ACYP2: variants seen among roughly 807,000 people sequenced by gnomAD.
The protein encoded by ACYP2 is acylphosphatase 2.
ACYP2 carries 12 observed loss-of-function variants against 11.2 expected under a neutral mutation model. The ratio of observed to expected loss-of-function variants is 1.08; its 90% CI spans 0.69 to 1.74. ACYP2 has a LOEUF of 1.74. Ranked by LOEUF, ACYP2 falls within the 40% of genes most tolerant of loss-of-function variation. The pLI, the probability that ACYP2 is intolerant of heterozygous loss-of-function variation, is 0.00. For missense variants in ACYP2, 134 were observed against 101.9 expected (o/e 1.31, Z -1.35); for synonymous variants, 43 against 32.2 (o/e 1.33, Z -1.13).
chr2:54,166,691 T>A (rs1215330517), intron 6 of ACYP2, among the ~76,000 whole-genome samples: 1 of 152,208 alleles, frequency 6.6e-6, no homozygotes, highest in African/African-American at 2.4e-5. Flanking sequence ...ATGGTTAGGC[T>A]ACCTTGCTAC....
At chr2:54,162,651 C>T (rs966442677) in intron 6 of ACYP2, among the ~76,000 whole-genome samples, 6 of 152,002 alleles carry the variant, frequency 3.9e-5, no homozygotes, top group East Asian at 1.9e-4. Context: ...CTGTACTCAC[C>T]GGAACCTACA....
At chr2:54,098,460 T>A (rs1404352646) in intron 4 of ACYP2, among the ~76,000 whole-genome samples, 1 of 152,128 alleles carries the variant, frequency 6.6e-6, no homozygotes, top group Admixed American at 6.5e-5. Context: ...AGGGCAGTTG[T>A]CCCATGGAAT....
chr2:54,110,146 A>C (rs1279487181), intron 4 of ACYP2, among the ~76,000 whole-genome samples: 1 of 152,150 alleles, frequency 6.6e-6, no homozygotes, highest in East Asian at 1.9e-4. Flanking sequence ...AAGCATTTTA[A>C]ACACACACAA....
chr2:54,036,374 G>A (rs1279842587), intron 2 of ACYP2, among the ~76,000 whole-genome samples: 1 of 152,202 alleles, frequency 6.6e-6, no homozygotes, highest in Non-Finnish European at 1.5e-5. Flanking sequence ...GATTACAGGC[G>A]TGAGCCACCG....
intron 4 of ACYP2, among the ~76,000 whole-genome samples, chr2:54,082,071 G>A (rs553941448): frequency 6.6e-6 from 1 of 152,278 alleles, no homozygotes; most frequent in African/African-American, 2.4e-5. Context: ...GCCCCAGCCT[G>A]GAGCTGCTCT....
intron 6 of ACYP2, among the ~76,000 whole-genome samples, chr2:54,178,463 C>G (rs1309813286): frequency 2.0e-5 from 3 of 152,206 alleles, no homozygotes; most frequent in African/African-American, 7.2e-5. Context: ...TGGCTATACT[C>G]TGTAGCTGCC....
At chr2:54,249,298 T>C (rs74358552) in intron 6 of ACYP2, among the ~76,000 whole-genome samples, 342 of 152,142 alleles carry the variant, frequency 2.2e-3, no homozygotes, top group African/African-American at 8.0e-3. Context: ...ATTGTGCAAA[T>C]TGACTTGTCA....
rs1263844844 is a variant in ACYP2, at chr2:54,255,369, C to T, written c.405-49319C>T. On this transcript the variant is annotated intron_variant, in intron 6 of 6. Transcript: ENST00000607452. ...CTTGGCCTCTAATCATGGCAGACAG[C>T]TGTGGGTGGTGGCGGAAAGCAGTGA... 2.5e-6 allele frequency: 4 copies of T among 1,614,134 alleles called. No homozygotes were observed. The Admixed American group carries it at 5.0e-5, about 20-fold the overall frequency.
At chr2:54,256,634 C>T (rs1215618254) in intron 6 of ACYP2, among the ~76,000 whole-genome samples, 1 of 152,120 alleles carries the variant, frequency 6.6e-6, no homozygotes. Flanking sequence ...AATATTTCCT[C>T]CCACTCTGTG....
rs1679708490 is a variant in ACYP2 at position 54,115,607 on chromosome 2, G to C, written c.278-19846G>C. 6.4e-7 allele frequency: 1 copy of C among 1,553,664 alleles called. No individual in the cohort carries two copies. The highest frequency in any genetic ancestry group is 1.4e-5 in the African/African-American group (1 of 73,042). On this transcript the variant is annotated intron_variant, in intron 4 of 6. Coordinates refer to ENST00000607452, the MANE Select transcript of ACYP2 (RefSeq NM_001320586.2). ...CGGTGACAGGCGCGGGGTGCGCCAAGCAGTCCCATGTGTCCCCTCCCTCTC... is the reference window on the plus strand; with the variant it reads ...CGGTGACAGGCGCGGGGTGCGCCAACCAGTCCCATGTGTCCCCTCCCTCTC...
At position 54,108,259 on chromosome 2, in the gene ACYP2, A is replaced by T. The variant is rs527662073; in HGVS notation, c.278-27194A>T. On this transcript the variant is annotated intron_variant, in intron 4 of 6. Transcript: ENST00000607452. ...AGGAATCTTAATTGCAAGAATGTCCAGGGTTTGTAGCTTTAAACTTCCCAG... is the reference window on the plus strand; with the variant it reads ...AGGAATCTTAATTGCAAGAATGTCCTGGGTTTGTAGCTTTAAACTTCCCAG... Among the ~76,000 whole-genome samples the T allele has an allele frequency of 2.0e-5, 3 of 152,348 alleles. No individual in the cohort carries two copies. In the East Asian group the frequency reaches 5.8e-4, roughly 29 times the overall value.
intron 6 of ACYP2, among the ~76,000 whole-genome samples, chr2:54,284,250 G>A (rs72910625): frequency 0.11 from 16,980 of 152,218 alleles, 1,279 homozygotes; most frequent in African/African-American, 0.21. Flanking sequence ...ATTCAGGTCA[G>A]AATACTGGGG....
At chr2:54,108,218 G>A (rs1045896921) in intron 4 of ACYP2, among the ~76,000 whole-genome samples, 2 of 152,208 alleles carry the variant, frequency 1.3e-5, no homozygotes, top group African/African-American at 2.4e-5. Context: ...TCTGCTGGTG[G>A]AAACTCTATC....
chr2:54,019,289 C>G (rs1459528940), intron 2 of ACYP2, among the ~76,000 whole-genome samples: 1 of 151,688 alleles, frequency 6.6e-6, no homozygotes, highest in Non-Finnish European at 1.5e-5. Flanking sequence ...CCAGGCTGGT[C>G]TTGAGCTGCT....
At position 53,983,191 on chromosome 2, in the gene ACYP2, G is replaced by A. The variant is rs146930274; in HGVS notation, c.62+9381G>A. ...TGATGAATGAAGACTTGTGGAGAAG[G>A]ATGATTAGAAATGATTCAGCTAAGA... On this transcript the variant is annotated intron_variant, in intron 2 of 6. Transcript: ENST00000607452. Among the ~76,000 whole-genome samples the A allele has an allele frequency of 9.9e-5, 15 of 152,194 alleles. 1 individual carries two copies. In the East Asian group the frequency reaches 2.9e-3, roughly 29 times the overall value.
chr2:54,202,152 G>T (rs964430920), intron 6 of ACYP2, among the ~76,000 whole-genome samples: 3 of 152,116 alleles, frequency 2.0e-5, no homozygotes, highest in Admixed American at 2.0e-4. Flanking sequence ...AGTCACCCAG[G>T]CTGGTGCAGA....
intron 6 of ACYP2, among the ~76,000 whole-genome samples, chr2:54,275,599 G>T (rs1330141150): frequency 6.6e-6 from 1 of 152,170 alleles, no homozygotes; most frequent in African/African-American, 2.4e-5. Flanking sequence ...AGCTCTCCTA[G>T]GGATGTGCTT....
In ACYP2 at chr2:54,035,535, A is replaced by G. The variant is rs566177670; in HGVS notation, c.63-15423A>G. On this transcript the variant is annotated intron_variant, in intron 2 of 6. Transcript: ENST00000607452. The stretch of plus-strand genomic sequence containing the variant: ...CCGCCTCGGCCTCCCAAAGTGCTGG[A>G]ATTACAGGTGCAAGCCACCGCTCCC... 9.2e-5 allele frequency among the ~76,000 whole-genome samples: 14 copies of G among 152,110 alleles called. No individual in the cohort carries two copies. The South Asian group carries it at 2.3e-3, about 25-fold the overall frequency.
At chr2:54,057,430 A>T in intron 4 of ACYP2, 1 of 393,922 alleles carries the variant, frequency 2.5e-6, no homozygotes, top group Non-Finnish European at 4.5e-6. Flanking sequence ...ACATTTTGGT[A>T]TATAAAATTA....
Sources: gnomAD v4.1 joint callset for allele counts (sites outside exome capture counted in the v4.1 genomes callset) on GRCh38, gnomAD v4.1.1 for gene constraint, MANE v1.5 for transcripts, NCBI Gene and HGNC (gene_info 2026-07-23, HGNC 2026-07-21) for gene names.